FMNL2: variants seen among roughly 807,000 people sequenced by gnomAD.
FMNL2 encodes the protein formin-like protein 2.
In FMNL2, 51 loss-of-function variants were observed where a neutral mutation model predicts 130.2. That is an observed-to-expected ratio of 0.39 (90% CI 0.31 to 0.49). The LOEUF (loss-of-function observed/expected upper bound fraction) is 0.49, where lower values mean the gene tolerates loss of function less well. Ranked by LOEUF, FMNL2 falls within the 20% of genes least tolerant of loss-of-function variation. FMNL2 has a pLI of 0.85. For missense variants in FMNL2, 977 were observed against 1,316.2 expected, an observed-to-expected ratio of 0.74 and a Z score of 3.99; for synonymous variants, 465 against 467.1, an observed-to-expected ratio of 1.00 and a Z score of 0.06.
At chr2:152,498,971 C>T (rs2105315270) in intron 1 of FMNL2, among the ~76,000 whole-genome samples, 1 of 152,274 alleles carries the variant, frequency 6.6e-6, no homozygotes, top group South Asian at 2.1e-4. Flanking sequence ...CTATGTGGTT[C>T]ATGTATCTTT....
intron 4 of FMNL2, among the ~76,000 whole-genome samples, chr2:152,557,213 T>C (rs1010465817): frequency 1.3e-5 from 2 of 152,178 alleles, no homozygotes; most frequent in African/African-American, 4.8e-5. Flanking sequence ...TGTGAGATTG[T>C]GTATGTGGCT....
At chr2:152,504,703 T>A (rs2105336811) in intron 1 of FMNL2, among the ~76,000 whole-genome samples, 1 of 152,304 alleles carries the variant, frequency 6.6e-6, no homozygotes, top group South Asian at 2.1e-4. Flanking sequence ...AGGCACTTGT[T>A]TATCAGTAGA....
intron 25 of FMNL2, chr2:152,643,928 T>C (rs1233553316): frequency 3.1e-6 from 3 of 977,880 alleles, no homozygotes; most frequent in African/African-American, 3.5e-5. Flanking sequence ...CTAACATGTA[T>C]TAAGAACTTA....
chr2:152,451,559 A>G (rs1381947275), intron 1 of FMNL2, among the ~76,000 whole-genome samples: 1 of 152,142 alleles, frequency 6.6e-6, no homozygotes, highest in African/African-American at 2.4e-5. Flanking sequence ...CCTGATTGAC[A>G]TAGGTACTAA....
At chr2:152,507,815 C>T (rs892209073) in intron 1 of FMNL2, among the ~76,000 whole-genome samples, 14 of 151,624 alleles carry the variant, frequency 9.2e-5, no homozygotes, top group Non-Finnish European at 1.3e-4. Context: ...ATAGAAACAC[C>T]GAGACTCAGA....
chr2:152,355,153 A>C (rs1308415150), intron 1 of FMNL2, among the ~76,000 whole-genome samples: 1 of 152,146 alleles, frequency 6.6e-6, no homozygotes, highest in Non-Finnish European at 1.5e-5. Flanking sequence ...ATCACACATC[A>C]ATCACAATGC....
rs1231307996 is a variant in FMNL2 at position 152,424,683 on chromosome 2, C to G, written c.117+88963C>G. Among the ~76,000 whole-genome samples, 3 of 151,990 alleles carry G rather than the reference C, an allele frequency of 2.0e-5. No individual in the cohort carries two copies. In the East Asian group the frequency reaches 5.8e-4, roughly 29 times the overall value. ...GGATTACAGGCATAAGCCACCACTC[C>G]TAGCCCGGGCCTACCATCTTTTTAT... On this transcript the variant is annotated intron_variant, in intron 1 of 25. Transcript: ENST00000288670.
chr2:152,352,093 G>A (rs1158303091), intron 1 of FMNL2, among the ~76,000 whole-genome samples: 1 of 152,148 alleles, frequency 6.6e-6, no homozygotes, highest in East Asian at 1.9e-4. Flanking sequence ...GAGGATGGGT[G>A]GGAATTTTGG....
chr2:152,392,518 G>T (rs2105932582), intron 1 of FMNL2, among the ~76,000 whole-genome samples: 1 of 152,250 alleles, frequency 6.6e-6, no homozygotes, highest in Admixed American at 6.5e-5. Flanking sequence ...CACGATCAAG[G>T]TGCCAGCATT....
chr2:152,586,964 T>C (rs1416727944), intron 9 of FMNL2, among the ~76,000 whole-genome samples: 1 of 152,170 alleles, frequency 6.6e-6, no homozygotes, highest in African/African-American at 2.4e-5. Context: ...GAAGACCTGA[T>C]TGACTGGGGA....
intron 1 of FMNL2, among the ~76,000 whole-genome samples, chr2:152,371,886 A>G (rs1179264154): frequency 6.6e-6 from 1 of 151,856 alleles, no homozygotes; most frequent in African/African-American, 2.4e-5. Context: ...CCACCTCAGG[A>G]CTCTGTAGAA....
chr2:152,421,461 A>G (rs1686918729), intron 1 of FMNL2, among the ~76,000 whole-genome samples: 1 of 152,194 alleles, frequency 6.6e-6, no homozygotes. Flanking sequence ...CTCAAGTGCA[A>G]TTGTGAGATG....
At position 152,637,555 on chromosome 2, in the gene FMNL2, A is replaced by G; in HGVS notation, c.2845-18A>G. 1 of 1,606,846 alleles carries G rather than the reference A, an allele frequency of 6.2e-7. No homozygotes were observed. The highest frequency in any genetic ancestry group is 8.5e-7 in the Non-Finnish European group (1 of 1,176,518). ...ATGCCTAACTAATGAAACTCAAGAA[A>G]AATTTGCTTCTTCACAGGATGCCTT... On this transcript the variant is annotated intron_variant, in intron 22 of 25. Transcript: ENST00000288670.
At chr2:152,358,917 A>G (rs926114964) in intron 1 of FMNL2, among the ~76,000 whole-genome samples, 3 of 152,214 alleles carry the variant, frequency 2.0e-5, no homozygotes, top group African/African-American at 7.2e-5. Context: ...TTAAGTGATT[A>G]GTGTTGAAGT....
chr2:152,612,436 T>C (rs540697623), intron 11 of FMNL2, among the ~76,000 whole-genome samples: 80 of 152,200 alleles, frequency 5.3e-4, no homozygotes, highest in African/African-American at 1.9e-3. Flanking sequence ...GGGGGGATCA[T>C]TGGAGTCCAG....
At chr2:152,631,166 A>C (rs1469543812) in intron 20 of FMNL2, among the ~76,000 whole-genome samples, 1 of 151,956 alleles carries the variant, frequency 6.6e-6, no homozygotes, top group African/African-American at 2.4e-5. Context: ...CGGGAGGATC[A>C]CCTGAGGTCA....
At chr2:152,519,314 G>T (rs148871466) in intron 1 of FMNL2, among the ~76,000 whole-genome samples, 1 of 152,098 alleles carries the variant, frequency 6.6e-6, no homozygotes, top group African/African-American at 2.4e-5. Flanking sequence ...TGGGCATCGC[G>T]TCTGTTTGGA....
At chr2:152,378,426 T>TAGAA (rs563501539) in intron 1 of FMNL2, among the ~76,000 whole-genome samples, 171 of 152,348 alleles carry the variant, frequency 1.1e-3, no homozygotes, top group African/African-American at 4.0e-3. Flanking sequence ...GATCCCAATG[T>TAGAA]AGACTTAAAT....
At chr2:152,412,359 G>C (rs372030798) in intron 1 of FMNL2, among the ~76,000 whole-genome samples, 1 of 149,038 alleles carries the variant, frequency 6.7e-6, no homozygotes, top group Non-Finnish European at 1.5e-5. Flanking sequence ...TATGAATTTT[G>C]GTGGAATGCC....
Sources: allele counts gnomAD v4.1 joint callset (sites outside exome capture counted in the v4.1 genomes callset), GRCh38; gene constraint gnomAD v4.1.1; transcripts MANE v1.5; gene names NCBI Gene and HGNC (gene_info 2026-07-23, HGNC 2026-07-21).